AFF3: variants seen among roughly 807,000 people sequenced by gnomAD.
AFF3 encodes the protein ALF transcription elongation factor 3, also known as AF4/FMR2 family member 3.
AFF3 carries 32 observed loss-of-function variants against 129.7 expected under a neutral mutation model. That is an observed-to-expected ratio of 0.25 (90% CI 0.19 to 0.33). The LOEUF (loss-of-function observed/expected upper bound fraction) is 0.33. Ranked by LOEUF, AFF3 falls within the 10% of genes least tolerant of loss-of-function variation. AFF3 has a pLI of 1.00. For missense variants in AFF3, 1,373 were observed against 1,592.0 expected (o/e 0.86, Z 2.34); for synonymous variants, 644 against 635.4 (o/e 1.01, Z -0.20).
At chr2:100,040,780 T>C (rs560801865) in intron 4 of AFF3, among the ~76,000 whole-genome samples, 1 of 152,284 alleles carries the variant, frequency 6.6e-6, no homozygotes, top group Non-Finnish European at 1.5e-5. Flanking sequence ...GGAGGCAGCG[T>C]TGTTTTAGAC....
intron 13 of AFF3, among the ~76,000 whole-genome samples, chr2:99,635,048 G>A (rs1042294392): frequency 4.0e-5 from 6 of 149,978 alleles, no homozygotes; most frequent in East Asian, 3.9e-4. Flanking sequence ...CTCTATGTAC[G>A]TGATATATAC....
chr2:99,883,228 C>T (rs1471267830), intron 7 of AFF3, among the ~76,000 whole-genome samples: 2 of 152,094 alleles, frequency 1.3e-5, no homozygotes, highest in Non-Finnish European at 2.9e-5. Flanking sequence ...CACACCAATA[C>T]GATATCTTCA....
chr2:99,595,285 A>C (rs1162918929), intron 14 of AFF3, among the ~76,000 whole-genome samples: 1 of 152,240 alleles, frequency 6.6e-6, no homozygotes, highest in Non-Finnish European at 1.5e-5. Context: ...GTGTATTGAG[A>C]AGAATAGAAT....
rs547765576 is a variant in AFF3 at position 99,545,804 on chromosome 2, C to T, written c.*5670G>A. On this transcript the variant is annotated 3_prime_UTR_variant, in exon 25 of 25. Coordinates refer to ENST00000672756, the MANE Select transcript of AFF3 (RefSeq NM_001386135.1). ...CCCTTGCAGCCAACACAAAATTTAC[C>T]CCCTGCTGCCTCGGAGTGCCAATTA... 1 of 178,722 alleles carries T rather than the reference C, an allele frequency of 5.6e-6. No homozygotes were observed. The highest frequency in any genetic ancestry group is 1.2e-5 in the Non-Finnish European group (1 of 83,350). The allele number at this position is 178,722 out of a possible 1,614,324, so 11.1% of individuals were successfully genotyped here. A position where few individuals can be genotyped will look rare whatever the true frequency, so the allele number is the denominator to read the frequency against.
intron 13 of AFF3, among the ~76,000 whole-genome samples, chr2:99,616,975 G>C (rs1230493435): frequency 6.6e-6 from 1 of 152,172 alleles, no homozygotes; most frequent in African/African-American, 2.4e-5. Context: ...CTATACTGTA[G>C]CGTGTATCAG....
intron 13 of AFF3, among the ~76,000 whole-genome samples, chr2:99,642,669 G>C (rs1335799164): frequency 2.6e-5 from 4 of 152,164 alleles, no homozygotes; most frequent in African/African-American, 9.7e-5. Context: ...GATGCAAAAC[G>C]TGGCCCAAAC....
In AFF3 at chr2:99,546,155, G is replaced by A. The variant is rs911590687; in HGVS notation, c.*5319C>T. On this transcript the variant is annotated 3_prime_UTR_variant, in exon 25 of 25. Transcript: ENST00000672756. ...GATTCCACTTGATCCGGGTTTCTTCGAAAATGTATTACTTTTTACAAATAT... is the reference window on the plus strand; with the variant it reads ...GATTCCACTTGATCCGGGTTTCTTCAAAAATGTATTACTTTTTACAAATAT... The A allele has an allele frequency of 2.6e-5, 6 of 229,122 alleles. No homozygotes were observed. The highest frequency in any genetic ancestry group is 1.9e-4 in the East Asian group (3 of 16,072). 14.2% of individuals were successfully genotyped at this position (229,122 alleles called of 1,614,324 possible).
chr2:99,992,693 A>G (rs963951995), intron 7 of AFF3, among the ~76,000 whole-genome samples: 9 of 152,266 alleles, frequency 5.9e-5, no homozygotes, highest in Non-Finnish European at 4.4e-5. Flanking sequence ...CTAAACACCT[A>G]TTAGATCTTG....
intron 11 of AFF3, among the ~76,000 whole-genome samples, chr2:99,723,801 G>A (rs540520822): frequency 2.0e-5 from 3 of 152,232 alleles, no homozygotes; most frequent in East Asian, 3.9e-4. Context: ...TCTTTACAGA[G>A]GTAATCAAGT....
chr2:99,753,766 A>C (rs1019192720), intron 8 of AFF3, among the ~76,000 whole-genome samples: 4 of 152,188 alleles, frequency 2.6e-5, no homozygotes, highest in African/African-American at 9.7e-5. Context: ...GGTTAGGCAC[A>C]TACGCATTCT....
chr2:100,062,192 G>A (rs910645178), intron 4 of AFF3, among the ~76,000 whole-genome samples: 4 of 152,152 alleles, frequency 2.6e-5, no homozygotes, highest in East Asian at 1.9e-4. Flanking sequence ...CAGAAGCTGC[G>A]AGCAATGTGG....
At chr2:99,761,943 C>T (rs1682635442) in intron 8 of AFF3, among the ~76,000 whole-genome samples, 1 of 152,128 alleles carries the variant, frequency 6.6e-6, no homozygotes, top group Non-Finnish European at 1.5e-5. Flanking sequence ...TTCCCCAAGC[C>T]TGATGTCTTA....
intron 8 of AFF3, among the ~76,000 whole-genome samples, chr2:99,819,496 T>C (rs1013775462): frequency 6.6e-6 from 1 of 152,220 alleles, no homozygotes; most frequent in Non-Finnish European, 1.5e-5. Flanking sequence ...AGTCCCAAAA[T>C]AAAGTGTTTC....
chr2:99,826,815 T>C (rs1688117230), intron 8 of AFF3, among the ~76,000 whole-genome samples: 1 of 152,122 alleles, frequency 6.6e-6, no homozygotes, highest in African/African-American at 2.4e-5. Flanking sequence ...CCAGCAAACC[T>C]ATGCTTTGGA....
chr2:99,869,399 T>C (rs182549536), intron 7 of AFF3, among the ~76,000 whole-genome samples: 7 of 147,710 alleles, frequency 4.7e-5, no homozygotes, highest in Admixed American at 6.8e-5. Flanking sequence ...GCACCTTCTA[T>C]GCCCATGTGT....
intron 7 of AFF3, among the ~76,000 whole-genome samples, chr2:99,983,375 T>C (rs1429934988): frequency 6.7e-6 from 1 of 149,532 alleles, no homozygotes; most frequent in Non-Finnish European, 1.5e-5. Context: ...CCTATCTCTG[T>C]TTTTTTTTGT....
chr2:100,099,059 C>G (rs1459028514), intron 4 of AFF3, among the ~76,000 whole-genome samples: 1 of 135,362 alleles, frequency 7.4e-6, no homozygotes, highest in Non-Finnish European at 1.6e-5. Flanking sequence ...GTCAACTACA[C>G]GGTGACCTTC....
chr2:100,062,114 C>A (rs1209269442), intron 4 of AFF3, among the ~76,000 whole-genome samples: 1 of 152,170 alleles, frequency 6.6e-6, no homozygotes, highest in Non-Finnish European at 1.5e-5. Context: ...GGTCATCCTG[C>A]CCAAGAGATT....
chr2:99,653,231 A>C (rs1226069706), intron 12 of AFF3, among the ~76,000 whole-genome samples: 1 of 152,238 alleles, frequency 6.6e-6, no homozygotes, highest in Non-Finnish European at 1.5e-5. Flanking sequence ...CCCCAAAGAA[A>C]GGTGGAATGT....
Sources: allele counts gnomAD v4.1 joint callset (sites outside exome capture counted in the v4.1 genomes callset), GRCh38; gene constraint gnomAD v4.1.1; transcripts MANE v1.5; gene names NCBI Gene and HGNC (gene_info 2026-07-23, HGNC 2026-07-21).